Variants in ANK1 observed in about 807,000 individuals in gnomAD.
The protein encoded by ANK1 is ankyrin-1.
In ANK1, 51 loss-of-function variants were observed where a neutral mutation model predicts 210.4. The ratio of observed to expected loss-of-function variants is 0.24; its 90% CI spans 0.19 to 0.31. The LOEUF is 0.31. Among genes scored for constraint, ANK1 ranks in the 10% least tolerant of loss-of-function variants. The pLI is 1.00. For missense variants in ANK1, 2,051 were observed against 2,504.4 expected (o/e 0.82, Z 3.86); for synonymous variants, 967 against 1,025.9 (o/e 0.94, Z 1.10).
rs59985416 is a variant in ANK1 at position 41,703,450 on chromosome 8, A to ATATATT, written c.2295+590_2295+591insAATATA. Among the ~76,000 whole-genome samples, 88 of 58,810 alleles carry ATATATT rather than the reference A, an allele frequency of 1.5e-3. 1 individual carries two copies. Among genetic ancestry groups the ATATATT allele is most frequent in the Non-Finnish European group, 2.1e-3 (76 of 35,522 alleles). 38.6% of individuals were successfully genotyped at this position (58,810 alleles called of 152,430 possible). A position where few individuals can be genotyped will look rare whatever the true frequency, so the allele number is the denominator to read the frequency against. On this transcript the variant is annotated intron_variant, in intron 20 of 42. Coordinates refer to ENST00000289734, the MANE Select transcript of ANK1 (RefSeq NM_000037.4). ...TATATATATATATATATATATATATATTTTTTTTTTTTTTTTAAGACACAA... is the reference window on the plus strand; with the variant it reads ...TATATATATATATATATATATATATATATATTTTTTTTTTTTTTTTTTAAGACACAA...
chr8:41,657,700 T>A (rs1361411797), intron 42 of ANK1, among the ~76,000 whole-genome samples: 6 of 152,196 alleles, frequency 3.9e-5, no homozygotes, highest in Non-Finnish European at 7.4e-5. Context: ...TCAGAGATCA[T>A]GCTGGCATGA....
rs568418188 is a variant in ANK1, at chr8:41,686,255, C to G, written c.4287G>C (p.Val1429=). 1.2e-6 allele frequency: 2 copies of G among 1,613,992 alleles called. No homozygotes were observed. Among genetic ancestry groups the G allele is most frequent in the African/African-American group, 1.3e-5 (1 of 75,002 alleles). Residue 1429 remains valine (V), a synonymous_variant, in exon 36 of 43, where the codon GTG becomes GTC. Coordinates refer to ENST00000289734, the MANE Select transcript of ANK1 (RefSeq NM_000037.4). Reference sequence around the variant, plus strand: ...CCACTCGGATCCTGTTGATGTCTTCCACACTGAACTGCAGCTCCCGGGCCA... The same window carrying G: ...CCACTCGGATCCTGTTGATGTCTTCGACACTGAACTGCAGCTCCCGGGCCA... The part of the protein sequence containing the change: ...AELARELQFS[V]EDINRIRVEN...
At chr8:41,663,956 G>C (rs149029963) in intron 39 of ANK1, 1 of 646,152 alleles carries the variant, frequency 1.5e-6, no homozygotes, top group Non-Finnish European at 2.8e-6. Context: ...GAAGACGAAC[G>C]GTCGAGCTCA....
intron 39 of ANK1, chr8:41,665,251 C>T: frequency 6.6e-7 from 1 of 1,509,854 alleles, no homozygotes; most frequent in South Asian, 1.2e-5. Context: ...CCCTTCTGCC[C>T]AGCAGCCAGG....
At position 41,704,524 on chromosome 8, in the gene ANK1, C is replaced by T. The variant is rs1378020999; in HGVS notation, c.2098-52G>A. On this transcript the variant is annotated intron_variant, in intron 18 of 42. Coordinates refer to ENST00000289734, the MANE Select transcript of ANK1 (RefSeq NM_000037.4). This position sits in a 1 kb window ranked among gnomAD's most constrained non-coding sequence, Gnocchi z 4.1. ...CGGAGCTGTCCTGAGCTGGGCATCA[C>T]ATGAAATCCTTCCCAAAGCAGCTGA... The T allele has an allele frequency of 6.7e-7, 1 of 1,485,870 alleles. No individual in the cohort carries two copies. The highest frequency in any genetic ancestry group is 9.4e-7 in the Non-Finnish European group (1 of 1,063,566). The allele number at this position is 1,485,870 out of a possible 1,614,324, so 92.0% of individuals were successfully genotyped here.
intron 1 of ANK1, among the ~76,000 whole-genome samples, chr8:41,805,245 TTCTC>T (rs150007263): frequency 1.0e-4 from 15 of 144,796 alleles, no homozygotes; most frequent in South Asian, 6.5e-4. Flanking sequence ...CTTTGTCTCT[TTCTC>T]TCTCTCTCTC....
At chr8:41,856,130 G>A (rs1424887607) in intron 1 of ANK1, among the ~76,000 whole-genome samples, 2 of 152,188 alleles carry the variant, frequency 1.3e-5, no homozygotes, top group Non-Finnish European at 1.5e-5. Context: ...ATCTGGACAC[G>A]TTTGAGAAAC....
At chr8:41,726,015 C>T in intron 5 of ANK1, 69 bp from the exon 6 acceptor site, 1 of 1,548,228 alleles carries the variant, frequency 6.5e-7, no homozygotes, top group South Asian at 1.2e-5. Context: ...CGGGACACAC[C>T]CTTGCCCCTC....
At chr8:41,821,555 A>G (rs1221689633) in intron 1 of ANK1, among the ~76,000 whole-genome samples, 1 of 152,232 alleles carries the variant, frequency 6.6e-6, no homozygotes, top group African/African-American at 2.4e-5. Flanking sequence ...AGGCCATACG[A>G]ATGAATGACT....
At chr8:41,722,456 T>C (rs1024430363) in intron 9 of ANK1, among the ~76,000 whole-genome samples, 1 of 152,242 alleles carries the variant, frequency 6.6e-6, no homozygotes, top group Non-Finnish European at 1.5e-5. Context: ...TGCTCTGCTC[T>C]GACACAGCTC....
chr8:41,769,977 CTTT>C (rs59542968), intron 1 of ANK1, among the ~76,000 whole-genome samples: 4,860 of 85,800 alleles, frequency 0.057, 10 homozygotes, highest in Non-Finnish European at 0.078. Context: ...TTTCTTTTTT[CTTT>C]TTTTTTTTTT....
chr8:41,770,000 A>C (rs1442879718), intron 1 of ANK1, among the ~76,000 whole-genome samples: 1 of 28,200 alleles, frequency 3.5e-5, no homozygotes, highest in Non-Finnish European at 6.2e-5. Flanking sequence ...TTTTTTTTTG[A>C]GGAAGAGTTT....
At chr8:41,878,314 C>G (rs1184444761) in intron 1 of ANK1, among the ~76,000 whole-genome samples, 1 of 152,194 alleles carries the variant, frequency 6.6e-6, no homozygotes, top group Admixed American at 6.5e-5. Flanking sequence ...ACCCCTACAT[C>G]TTCAAGCTCA....
intron 1 of ANK1, among the ~76,000 whole-genome samples, chr8:41,855,892 G>A (rs1487135738): frequency 6.6e-6 from 1 of 152,024 alleles, no homozygotes; most frequent in Non-Finnish European, 1.5e-5. Flanking sequence ...TCTAGTGTAG[G>A]CCGGGCCTGG....
chr8:41,769,980 T>TTC (rs1165902201), intron 1 of ANK1, among the ~76,000 whole-genome samples: 2 of 114,808 alleles, frequency 1.7e-5, no homozygotes, highest in Non-Finnish European at 4.0e-5. Context: ...CTTTTTTCTT[T>TTC]TTTTTTTTTT....
At chr8:41,791,510 C>T (rs1467861030) in intron 1 of ANK1, among the ~76,000 whole-genome samples, 1 of 151,256 alleles carries the variant, frequency 6.6e-6, no homozygotes, top group Non-Finnish European at 1.5e-5. Flanking sequence ...CTGCTCACTG[C>T]AACCTCTGCC....
chr8:41,882,304 C>A (rs893053496), intron 1 of ANK1, among the ~76,000 whole-genome samples: 1 of 152,134 alleles, frequency 6.6e-6, no homozygotes, highest in South Asian at 2.1e-4. Context: ...CTCCTGGAAG[C>A]CTGAGTTTCC....
chr8:41,676,777 T>C (rs537595683), intron 37 of ANK1, among the ~76,000 whole-genome samples: 10 of 152,362 alleles, frequency 6.6e-5, no homozygotes, highest in African/African-American at 2.4e-4. Context: ...CCAAGTTCAT[T>C]TCAGTTTAGA....
chr8:41,715,221 C>A (rs563030518), intron 14 of ANK1, 147 bp from the exon 15 acceptor site: 3 of 731,538 alleles, frequency 4.1e-6, no homozygotes. Flanking sequence ...CTCTGGGAGG[C>A]CGAAGACCTC....
Sources: allele counts gnomAD v4.1 joint callset (sites outside exome capture counted in the v4.1 genomes callset), GRCh38; gene constraint gnomAD v4.1.1; non-coding constraint Gnocchi (gnomAD v3.1); transcripts MANE v1.5; gene names NCBI Gene and HGNC (gene_info 2026-07-23, HGNC 2026-07-21).